BDKRB2: variants seen among roughly 807,000 people sequenced by gnomAD.
BDKRB2 encodes the protein bradykinin receptor B2, also known as B2 bradykinin receptor.
In BDKRB2, 6 loss-of-function variants were observed where a neutral mutation model predicts 4.0. That is an observed-to-expected ratio of 1.49 (90% CI 0.81 to 2.93). BDKRB2 has a LOEUF of 2.93. Among genes scored for constraint, BDKRB2 ranks in the 30% most tolerant of loss-of-function variants. BDKRB2 has a pLI of 0.00. For missense variants in BDKRB2, 478 were observed against 520.1 expected (o/e 0.92, Z 0.79); for synonymous variants, 225 against 215.3 (o/e 1.05, Z -0.40).
In BDKRB2 at chr14:96,242,906, C is replaced by T. The variant is rs1257396311; in HGVS notation, c.*1402C>T. 6.6e-6 allele frequency: 1 copy of T among 152,430 alleles called. No homozygotes were observed. The highest frequency in any genetic ancestry group is 1.5e-5 in the Non-Finnish European group (1 of 68,210). 9.4% of individuals were successfully genotyped at this position (152,430 alleles called of 1,614,324 possible). ...TGAAAAGGAATGGCAATGGTGTTCA[C>T]CATCGGCAGTGCCAGGGCAGCACTC... On this transcript the variant is annotated 3_prime_UTR_variant, in exon 3 of 3. Transcript: ENST00000554311.
intron 1 of BDKRB2, among the ~76,000 whole-genome samples, chr14:96,215,806 G>T (rs543322146): frequency 3.9e-5 from 6 of 152,146 alleles, no homozygotes; most frequent in African/African-American, 1.4e-4. Context: ...CATTGATTCG[G>T]CATCTACTAA....
chr14:96,239,018 C>T (rs1203926454), intron 2 of BDKRB2: 1 of 985,428 alleles, frequency 1.0e-6, no homozygotes, highest in Admixed American at 6.1e-5. Flanking sequence ...CAGCCAGCTG[C>T]TCCTAGAAGC....
intron 1 of BDKRB2, among the ~76,000 whole-genome samples, chr14:96,226,074 A>G (rs575080204): frequency 1.1e-4 from 16 of 152,320 alleles, no homozygotes; most frequent in Admixed American, 8.5e-4. Flanking sequence ...ACCCTCTTCC[A>G]GACCTGCAGC....
chr14:96,237,233 C>T (rs781010357), intron 2 of BDKRB2, 52 bp downstream of exon 2: 1 of 1,492,832 alleles, frequency 6.7e-7, no homozygotes, highest in Admixed American at 1.7e-5. Context: ...GGGCAGACAC[C>T]CTGGAGAACT....
intron 1 of BDKRB2, among the ~76,000 whole-genome samples, chr14:96,209,997 A>AAATAAC (rs1222371458): frequency 6.9e-6 from 1 of 144,510 alleles, no homozygotes; most frequent in Non-Finnish European, 1.5e-5. Flanking sequence ...CTCTATCTCA[A>AAATAAC]AATAATAATA....
chr14:96,238,457 A>G (rs1352945457), intron 2 of BDKRB2: 3 of 985,360 alleles, frequency 3.0e-6, no homozygotes, highest in Non-Finnish European at 3.6e-6. Context: ...CGGGGGGCAT[A>G]TGAAAGCCAC....
intron 1 of BDKRB2, among the ~76,000 whole-genome samples, chr14:96,216,398 AG>A (rs1890417276): frequency 6.6e-6 from 1 of 152,050 alleles, no homozygotes. Context: ...TGGTAGACCA[AG>A]GTAGGAGGGT....
chr14:96,240,079 C>G, intron 2 of BDKRB2: 5 of 1,071,256 alleles, frequency 4.7e-6, no homozygotes, highest in Non-Finnish European at 5.6e-6. Context: ...TGAATCCTCC[C>G]ATCACGGAAG....
rs200146501 is a variant in BDKRB2 at position 96,240,456 on chromosome 14, C to T, written c.128C>T (p.Ala43Val). Residue 43 changes from alanine to valine, a missense_variant, in exon 3 of 3, where the codon GCC becomes GTC. Coordinates refer to ENST00000554311, the MANE Select transcript of BDKRB2 (RefSeq NM_001379692.1). ...GGGCCCACTCTTAACGGGACCTTTG[C>T]CCAGAGCAAATGCCCCCAAGTGGAG... ...LQGPTLNGTF[A>V]QSKCPQVEWL... The T allele has an allele frequency of 7.9e-6, 12 of 1,510,478 alleles. No homozygotes were observed. Among genetic ancestry groups the T allele is most frequent in the Non-Finnish European group, 1.1e-5 (12 of 1,130,976 alleles). 93.6% of individuals were successfully genotyped at this position (1,510,478 alleles called of 1,614,324 possible).
At chr14:96,214,464 C>T (rs1290286970) in intron 1 of BDKRB2, among the ~76,000 whole-genome samples, 4 of 152,226 alleles carry the variant, frequency 2.6e-5, no homozygotes, top group Non-Finnish European at 5.9e-5. Flanking sequence ...GCTCCTTATC[C>T]CACAAGCGGG....
chr14:96,237,296 T>C (rs150811344), intron 2 of BDKRB2, 115 bp downstream of exon 2: 1 of 994,474 alleles, frequency 1.0e-6, no homozygotes, highest in African/African-American at 1.6e-5. Flanking sequence ...GAACCAGTGA[T>C]GTTAAGCCCA....
chr14:96,218,935 C>T (rs759071820), intron 1 of BDKRB2, among the ~76,000 whole-genome samples: 21 of 150,006 alleles, frequency 1.4e-4, no homozygotes, highest in East Asian at 6.0e-4. Flanking sequence ...AACAAACAAA[C>T]GAACCAAAAC....
intron 1 of BDKRB2, among the ~76,000 whole-genome samples, chr14:96,220,777 G>T (rs1023539922): frequency 1.3e-5 from 2 of 151,916 alleles, no homozygotes; most frequent in Non-Finnish European, 2.9e-5. Flanking sequence ...CCATGTCCAG[G>T]CATCCTGGCT....
At chr14:96,206,602 G>A (rs572218563) in intron 1 of BDKRB2, among the ~76,000 whole-genome samples, 1 of 150,812 alleles carries the variant, frequency 6.6e-6, no homozygotes, top group Admixed American at 6.6e-5. Flanking sequence ...GCCAAAAACC[G>A]CAATGACTTT....
Position 96,240,656 on chromosome 14 carries a change from C to A in BDKRB2, c.328C>A (p.Leu110Met). The A allele has an allele frequency of 6.3e-7, 1 of 1,575,270 alleles. No homozygotes were observed. The highest frequency in any genetic ancestry group is 8.6e-7 in the Non-Finnish European group (1 of 1,163,638). Residue 110 changes from leucine (L) to methionine (M), a missense_variant, in exon 3 of 3, where the codon CTG becomes ATG. Coordinates refer to ENST00000554311, the MANE Select transcript of BDKRB2 (RefSeq NM_001379692.1). Reference protein sequence around the residue: ...AAADLILACGLPFWAITISNN... With the variant: ...AAADLILACGMPFWAITISNN... ...AGCAGACCTGATCCTGGCCTGCGGGCTGCCCTTCTGGGCCATCACCATCTC... is the reference window on the plus strand; with the variant it reads ...AGCAGACCTGATCCTGGCCTGCGGGATGCCCTTCTGGGCCATCACCATCTC...
chr14:96,241,548 G>T lies in BDKRB2; in HGVS notation c.*44G>T, dbSNP rs749886984. 2.7e-6 allele frequency: 4 copies of T among 1,498,796 alleles called. No individual in the cohort carries two copies. In the South Asian group the frequency reaches 5.4e-5, roughly 20 times the overall value. The allele number at this position is 1,498,796 out of a possible 1,614,324, so 92.8% of individuals were successfully genotyped here. On this transcript the variant is annotated 3_prime_UTR_variant, in exon 3 of 3. Coordinates refer to ENST00000554311, the MANE Select transcript of BDKRB2 (RefSeq NM_001379692.1). ...GCTGTGAATTTGTGTAAGGATTGAG[G>T]GACAGTTGCTTTTCAGCATGGGCCC...
intron 2 of BDKRB2, chr14:96,239,143 C>G: frequency 1.0e-6 from 1 of 985,518 alleles, no homozygotes; most frequent in Non-Finnish European, 1.2e-6. Context: ...GAAAGAGCCC[C>G]TTTTCCTTCT....
chr14:96,231,839 T>A (rs1890825630), intron 1 of BDKRB2, among the ~76,000 whole-genome samples: 1 of 152,216 alleles, frequency 6.6e-6, no homozygotes, highest in East Asian at 1.9e-4. Flanking sequence ...GCACATGCAC[T>A]TTATGCACGC....
Position 96,240,909 on chromosome 14 carries a change from T to C in BDKRB2, c.581T>C (p.Val194Ala). Reference sequence around the variant, plus strand: ...CTGCTCCTGAGCTCACCCATGCTGGTGTTCCGGACCATGAAGGAGTACAGC... The same window carrying C: ...CTGCTCCTGAGCTCACCCATGCTGGCGTTCCGGACCATGAAGGAGTACAGC... ...CTLLLSSPML[V>A]FRTMKEYSDE... is the part of the protein sequence containing the mutation. Residue 194 changes from valine to alanine, a missense_variant, in exon 3 of 3, where the codon GTG becomes GCG. Physicochemically the swap from Val to Ala is moderately conservative, Grantham distance 64. Transcript: ENST00000554311. 6.3e-7 allele frequency: 1 copy of C among 1,597,230 alleles called. No homozygotes were observed. The highest frequency in any genetic ancestry group is 1.2e-5 in the South Asian group (1 of 86,914).
Sources: gnomAD v4.1 joint callset for allele counts (sites outside exome capture counted in the v4.1 genomes callset) on GRCh38, gnomAD v4.1.1 for gene constraint, MANE v1.5 for transcripts, NCBI Gene and HGNC (gene_info 2026-07-23, HGNC 2026-07-21) for gene names.